The following PLG variants were observed in gnomAD, a reference collection of about 807,000 sequenced individuals.
PLG encodes plasmin.
Under a neutral mutation model 104.4 loss-of-function variants are expected in PLG, and 41 were observed. That is an observed-to-expected ratio of 0.39 (90% CI 0.31 to 0.51). The LOEUF (loss-of-function observed/expected upper bound fraction) is 0.51, where lower values mean the gene tolerates loss of function less well. Among genes scored for constraint, PLG ranks in the 20% least tolerant of loss-of-function variants. The pLI is 0.76. For synonymous variants in PLG, 337 were observed against 357.1 expected, an observed-to-expected ratio of 0.94 and a Z score of 0.63; for missense variants, 891 against 1,003.6, an observed-to-expected ratio of 0.89 and a Z score of 1.52.
At chr6:160,704,967 C>T (rs1248710933) in intron 1 of PLG, among the ~76,000 whole-genome samples, 1 of 152,184 alleles carries the variant, frequency 6.6e-6, no homozygotes, top group African/African-American at 2.4e-5. Context: ...CTTTCAGAAC[C>T]TCCCCTGACC....
At chr6:160,748,442 AG>A in intron 17 of PLG, among the ~76,000 whole-genome samples, 2 of 3,094 alleles carry the variant, frequency 6.5e-4, no homozygotes, top group Non-Finnish European at 1.1e-3. Flanking sequence ...GAAAGAAAGA[AG>A]GGAGGGAGGG....
At chr6:160,715,597 C>T (rs546256456) in intron 6 of PLG, among the ~76,000 whole-genome samples, 81 of 152,286 alleles carry the variant, frequency 5.3e-4, no homozygotes, top group African/African-American at 1.9e-3. Flanking sequence ...CCTCCCATTC[C>T]ACAGTCGCTT....
chr6:160,732,064 G>T lies in PLG; in HGVS notation c.1587+171G>T, dbSNP rs1423978121. 6.6e-6 allele frequency among the ~76,000 whole-genome samples: 1 copy of T among 152,116 alleles called. No individual in the cohort carries two copies. Among genetic ancestry groups the T allele is most frequent in the Admixed American group, 6.5e-5 (1 of 15,284 alleles). ...AGGGGGCTAAGCTAGAATATAATTG[G>T]CCTTAGTATGGAAAGTACAAGCAGC... is the stretch of plus-strand genomic sequence containing the variant. On this transcript the variant is annotated intron_variant, in intron 12 of 18. Coordinates refer to ENST00000308192, the MANE Select transcript of PLG (RefSeq NM_000301.5). The surrounding 1 kb of genome is among the most constrained non-coding windows in gnomAD (Gnocchi z 4.5).
chr6:160,743,216 T>C (rs893290537), intron 17 of PLG, among the ~76,000 whole-genome samples: 14 of 152,196 alleles, frequency 9.2e-5, no homozygotes, highest in Admixed American at 2.0e-4. Context: ...GGCAGTTTGA[T>C]AGGAATAGCA....
intron 5 of PLG, among the ~76,000 whole-genome samples, chr6:160,713,586 T>G (rs1435293896): frequency 6.6e-6 from 1 of 152,216 alleles, no homozygotes. Flanking sequence ...ATTATTTTTA[T>G]TAAAATGTTA....
intron 2 of PLG, among the ~76,000 whole-genome samples, chr6:160,706,755 T>G (rs1351825044): frequency 6.6e-6 from 1 of 152,176 alleles, no homozygotes; most frequent in Non-Finnish European, 1.5e-5. Flanking sequence ...AGGAAGTTAT[T>G]TGTTTTTACA....
At position 160,723,790 on chromosome 6, in the gene PLG, A is replaced by G. The variant is rs1457817936; in HGVS notation, c.1256+1223A>G. Among the ~76,000 whole-genome samples, 1 of 152,236 alleles carries G rather than the reference A, an allele frequency of 6.6e-6. No individual in the cohort carries two copies. Among genetic ancestry groups the G allele is most frequent in the East Asian group, 1.9e-4 (1 of 5,196 alleles). ...TCAATGGAGATGCCAGAGCTCACAT[A>G]GCACTGGGGGATATTTGAGTTCTGA... On this transcript the variant is annotated intron_variant, in intron 10 of 18. Coordinates refer to ENST00000308192, the MANE Select transcript of PLG (RefSeq NM_000301.5). This position sits in a 1 kb window ranked among gnomAD's most constrained non-coding sequence, Gnocchi z 4.7.
chr6:160,753,098 G>A lies in PLG; in HGVS notation c.*37G>A, dbSNP rs1275452296. 7.5e-7 allele frequency: 1 copy of A among 1,340,964 alleles called. No homozygotes were observed. The allele number at this position is 1,340,964 out of a possible 1,614,324, so 83.1% of individuals were successfully genotyped here. On this transcript the variant is annotated 3_prime_UTR_variant, in exon 19 of 19. Transcript: ENST00000308192. This position sits in a 1 kb window ranked among gnomAD's most constrained non-coding sequence, Gnocchi z 5.4. ...ACAGAGTGACGCACTGACTCACCTAGAGGCTGGAACGTGGGTAGGGATTTA... is the reference window on the plus strand; with the variant it reads ...ACAGAGTGACGCACTGACTCACCTAAAGGCTGGAACGTGGGTAGGGATTTA...
chr6:160,731,954 G>A lies in PLG; in HGVS notation c.1587+61G>A. On this transcript the variant is annotated intron_variant, in intron 12 of 18. Coordinates refer to ENST00000308192, the MANE Select transcript of PLG (RefSeq NM_000301.5). The surrounding 1 kb of genome is among the most constrained non-coding windows in gnomAD (Gnocchi z 5.1). ...CTCACCAATCTTTGCAAACAGAATT[G>A]GTTCTGTGTTACAGAAAATCTGACC... 1 of 1,549,616 alleles carries A rather than the reference G, an allele frequency of 6.5e-7. No individual in the cohort carries two copies. Among genetic ancestry groups the A allele is most frequent in the East Asian group, 2.2e-5 (1 of 44,578 alleles).
chr6:160,702,868 C>T (rs1213641731), intron 1 of PLG, among the ~76,000 whole-genome samples: 4 of 152,192 alleles, frequency 2.6e-5, no homozygotes, highest in Admixed American at 6.5e-5. Flanking sequence ...ATACGTTTGC[C>T]TCTTATCCCC....
chr6:160,718,286 C>T lies in PLG; in HGVS notation c.788-8C>T. On this transcript the variant is annotated splice_polypyrimidine_tract_variant and splice_region_variant and intron_variant, in intron 7 of 18. Transcript: ENST00000308192. ...TATATTCATTGTAACTTATTTTGCC[C>T]ATTCAAGCAACACCTCCACCATCTT... The T allele has an allele frequency of 1.2e-6, 2 of 1,610,872 alleles. No homozygotes were observed. Among genetic ancestry groups the T allele is most frequent in the Middle Eastern group, 1.7e-4 (1 of 6,056 alleles).
At chr6:160,747,675 G>T (rs1262044845) in intron 17 of PLG, among the ~76,000 whole-genome samples, 1 of 152,142 alleles carries the variant, frequency 6.6e-6, no homozygotes, top group Non-Finnish European at 1.5e-5. Context: ...TGGTCTAGAT[G>T]ATTTCAAAGT....
At chr6:160,704,152 GT>G (rs1489710769) in intron 1 of PLG, among the ~76,000 whole-genome samples, 1 of 152,172 alleles carries the variant, frequency 6.6e-6, no homozygotes, top group African/African-American at 2.4e-5. Context: ...TAAAAGATTT[GT>G]TTGATGTTTC....
chr6:160,737,065 CTTCTACATT>C lies in PLG; in HGVS notation c.1802+60_1802+68del, dbSNP rs933385731. ...CCCTCCACGTAAGCCCTGCAAAACC[CTTCTACATT>C]TACATAAAATCCACACAGCTGAGGC... On this transcript the variant is annotated intron_variant, in intron 14 of 18. Coordinates refer to ENST00000308192, the MANE Select transcript of PLG (RefSeq NM_000301.5). The surrounding 1 kb of genome is among the most constrained non-coding windows in gnomAD (Gnocchi z 4.7). 15 of 1,605,898 alleles carry C rather than the reference CTTCTACATT, an allele frequency of 9.3e-6. No homozygotes were observed. In the Admixed American group the frequency reaches 1.3e-4, roughly 14 times the overall value.
At chr6:160,713,362 C>T (rs1294918604) in intron 5 of PLG, 27 of 451,062 alleles carry the variant, frequency 6.0e-5, no homozygotes, top group South Asian at 8.4e-5. Flanking sequence ...CCTCCGCCTC[C>T]GGGTTCAAGA....
In PLG at chr6:160,737,756, G is replaced by A. The variant is rs763878208; in HGVS notation, c.1802+749G>A. On this transcript the variant is annotated intron_variant, in intron 14 of 18. Coordinates refer to ENST00000308192, the MANE Select transcript of PLG (RefSeq NM_000301.5). This position sits in a 1 kb window ranked among gnomAD's most constrained non-coding sequence, Gnocchi z 4.7. ...AAGAGACTCTTTTCCATAAGTTTGTGAAATGCCATCGACAAACCTGATCGC... is the reference window on the plus strand; with the variant it reads ...AAGAGACTCTTTTCCATAAGTTTGTAAAATGCCATCGACAAACCTGATCGC... Among the ~76,000 whole-genome samples the A allele has an allele frequency of 6.6e-6, 1 of 152,172 alleles. No homozygotes were observed. Among genetic ancestry groups the A allele is most frequent in the Non-Finnish European group, 1.5e-5 (1 of 68,042 alleles).
chr6:160,747,274 A>C (rs112629794), intron 17 of PLG, among the ~76,000 whole-genome samples: 103 of 152,310 alleles, frequency 6.8e-4, no homozygotes, highest in African/African-American at 2.4e-3. Flanking sequence ...CAAGAGAGGG[A>C]ACACTTGTGC....
At chr6:160,748,449 G>GAAAGAAAGAAAGAGAACGAAAGAAAGA (rs1778332660) in intron 17 of PLG, among the ~76,000 whole-genome samples, 7 of 36,320 alleles carry the variant, frequency 1.9e-4, no homozygotes, top group African/African-American at 3.9e-4. Context: ...AGAAGGGAGG[G>GAAAGAAAGAAAGAGAACGAAAGAAAGA]AGGGAGGGAG....
intron 10 of PLG, among the ~76,000 whole-genome samples, chr6:160,727,871 A>G (rs1048149453): frequency 9.2e-5 from 14 of 151,988 alleles, no homozygotes; most frequent in African/African-American, 2.9e-4. Flanking sequence ...GGGAATAAGA[A>G]AAATATGTTT....
Sources: allele counts gnomAD v4.1 joint callset (sites outside exome capture counted in the v4.1 genomes callset), GRCh38; gene constraint gnomAD v4.1.1; non-coding constraint Gnocchi (gnomAD v3.1); transcripts MANE v1.5; gene names NCBI Gene and HGNC (gene_info 2026-07-23, HGNC 2026-07-21).